The following SHROOM3 variants were observed in gnomAD, a reference collection of about 807,000 sequenced individuals.
SHROOM3 encodes shroom family member 3, also known as protein Shroom3.
In SHROOM3, 47 loss-of-function variants were observed where a neutral mutation model predicts 138.6. The ratio of observed to expected loss-of-function variants is 0.34; its 90% CI spans 0.27 to 0.43. The LOEUF (loss-of-function observed/expected upper bound fraction) is 0.43, where lower values mean the gene tolerates loss of function less well. Ranked by LOEUF, SHROOM3 falls within the 20% of genes least tolerant of loss-of-function variation. The pLI, the probability that SHROOM3 is intolerant of heterozygous loss-of-function variation, is 1.00. For missense variants in SHROOM3, 2,491 were observed against 2,596.5 expected, an observed-to-expected ratio of 0.96 and a Z score of 0.88; for synonymous variants, 1,062 against 1,063.3, an observed-to-expected ratio of 1.00 and a Z score of 0.02.
chr4:76,656,547 C>T (rs1286461532), intron 2 of SHROOM3, among the ~76,000 whole-genome samples: 1 of 152,140 alleles, frequency 6.6e-6, no homozygotes, highest in Non-Finnish European at 1.5e-5. Context: ...TTGCATGGCA[C>T]CTGGAAAAAG....
intron 2 of SHROOM3, among the ~76,000 whole-genome samples, chr4:76,635,055 C>G (rs1283711884): frequency 6.6e-6 from 1 of 152,024 alleles, no homozygotes; most frequent in East Asian, 1.9e-4. Context: ...CAGAAGAGAA[C>G]GGGGGGAGAT....
chr4:76,629,499 T>C (rs997953457), intron 2 of SHROOM3, among the ~76,000 whole-genome samples: 2 of 152,204 alleles, frequency 1.3e-5, no homozygotes, highest in Admixed American at 1.3e-4. Flanking sequence ...GCTTATATTT[T>C]AGAATAATCA....
At chr4:76,666,123 C>A (rs542225920) in intron 2 of SHROOM3, among the ~76,000 whole-genome samples, 19 of 152,336 alleles carry the variant, frequency 1.2e-4, no homozygotes, top group African/African-American at 4.6e-4. Context: ...TGTTGACTTA[C>A]GGTGGTACCT....
chr4:76,448,481 C>A (rs753092112), intron 1 of SHROOM3, among the ~76,000 whole-genome samples: 3 of 152,184 alleles, frequency 2.0e-5, no homozygotes, highest in Non-Finnish European at 4.4e-5. Context: ...ACACCAAGAG[C>A]AACCCTCCAT....
chr4:76,583,246 T>G (rs1734086498), intron 2 of SHROOM3, among the ~76,000 whole-genome samples: 1 of 152,108 alleles, frequency 6.6e-6, no homozygotes, highest in African/African-American at 2.4e-5. Flanking sequence ...CTGCACTGAC[T>G]TAGGACGGCA....
chr4:76,517,502 T>C (rs911767849), intron 1 of SHROOM3, among the ~76,000 whole-genome samples: 51 of 152,144 alleles, frequency 3.4e-4, no homozygotes, highest in Non-Finnish European at 5.6e-4. Context: ...CTTGGTTAAC[T>C]TGTAGTTTTT....
At chr4:76,716,845 T>C (rs559350567) in intron 3 of SHROOM3, among the ~76,000 whole-genome samples, 1 of 152,374 alleles carries the variant, frequency 6.6e-6, no homozygotes, top group African/African-American at 2.4e-5. Flanking sequence ...CCAAGTTCTC[T>C]ATTCTCATTG....
At chr4:76,773,073 G>C (rs1722416817) in intron 10 of SHROOM3, among the ~76,000 whole-genome samples, 1 of 152,036 alleles carries the variant, frequency 6.6e-6, no homozygotes, top group Non-Finnish European at 1.5e-5. Flanking sequence ...GCTTGGTTTT[G>C]TTTTTAAAAA....
intron 3 of SHROOM3, among the ~76,000 whole-genome samples, chr4:76,710,921 TTCA>T (rs1720211373): frequency 6.6e-6 from 1 of 152,188 alleles, no homozygotes; most frequent in Non-Finnish European, 1.5e-5. Context: ...TGGATTCAAA[TTCA>T]GCCTCTACAC....
At chr4:76,634,814 AG>A (rs1735444067) in intron 2 of SHROOM3, among the ~76,000 whole-genome samples, 1 of 152,198 alleles carries the variant, frequency 6.6e-6, no homozygotes, top group African/African-American at 2.4e-5. Flanking sequence ...TGTGACTTAG[AG>A]GAAGAAGGAA....
rs577347763 is a variant in SHROOM3 at position 76,745,792 on chromosome 4, C to T, written c.3754-3225C>T. On this transcript the variant is annotated intron_variant, in intron 5 of 10. Coordinates refer to ENST00000296043, the MANE Select transcript of SHROOM3 (RefSeq NM_020859.4). ...GGCCAGGAGTTCGAGATCAGCCTGG[C>T]CAACATGGCAAAAACCCATCTCTAC... Among the ~76,000 whole-genome samples the T allele has an allele frequency of 3.9e-5, 6 of 152,230 alleles. No individual in the cohort carries two copies. The East Asian group carries it at 1.2e-3, about 29-fold the overall frequency.
intron 2 of SHROOM3, chr4:76,689,430 C>A: frequency 7.9e-6 from 6 of 760,724 alleles, no homozygotes; most frequent in East Asian, 1.4e-4. Context: ...CGGGCCCGGG[C>A]GGGACGAGAG....
chr4:76,671,893 T>G (rs1718895625), intron 2 of SHROOM3, among the ~76,000 whole-genome samples: 1 of 152,320 alleles, frequency 6.6e-6, no homozygotes, highest in East Asian at 1.9e-4. Context: ...TGAGCATCCC[T>G]TATCCAAAAA....
At position 76,779,864 on chromosome 4, in the gene SHROOM3, C is replaced by T. The variant is rs1295314398; in HGVS notation, c.*687C>T. The T allele has an allele frequency of 6.5e-6, 1 of 152,826 alleles. No individual in the cohort carries two copies. Among genetic ancestry groups the T allele is most frequent in the Non-Finnish European group, 1.5e-5 (1 of 68,188 alleles). The allele number at this position is 152,826 out of a possible 1,614,324, so 9.5% of individuals were successfully genotyped here. A position where few individuals can be genotyped will look rare whatever the true frequency, so the allele number is the denominator to read the frequency against. On this transcript the variant is annotated 3_prime_UTR_variant, in exon 11 of 11. Transcript: ENST00000296043. ...TACCAACACGAGCAGGCATTCTGCG[C>T]TTCCACTGGACTGAGTATGGGGGAG... is the stretch of plus-strand genomic sequence containing the variant.
chr4:76,669,104 C>T (rs1339409159), intron 2 of SHROOM3, among the ~76,000 whole-genome samples: 2 of 152,186 alleles, frequency 1.3e-5, no homozygotes, highest in Admixed American at 1.3e-4. Flanking sequence ...GGCATGCTCA[C>T]TCAGCTCTTA....
intron 1 of SHROOM3, among the ~76,000 whole-genome samples, chr4:76,534,721 C>T (rs1230531679): frequency 6.6e-6 from 1 of 152,098 alleles, no homozygotes; most frequent in Non-Finnish European, 1.5e-5. Flanking sequence ...AATGCAATCT[C>T]TGATGGGTAC....
chr4:76,750,827 C>A (rs1044409385), intron 6 of SHROOM3, among the ~76,000 whole-genome samples: 1 of 150,558 alleles, frequency 6.6e-6, no homozygotes, highest in African/African-American at 2.4e-5. Flanking sequence ...AAAAAAAAAA[C>A]TTTCTGAGCT....
chr4:76,692,533 A>T (rs1560592917), intron 2 of SHROOM3, among the ~76,000 whole-genome samples: 2 of 152,244 alleles, frequency 1.3e-5, no homozygotes, highest in African/African-American at 2.4e-5. Flanking sequence ...AAGATAGGTG[A>T]AAACAAATGT....
chr4:76,584,327 A>C (rs1265500498), intron 2 of SHROOM3, among the ~76,000 whole-genome samples: 1 of 152,214 alleles, frequency 6.6e-6, no homozygotes, highest in East Asian at 1.9e-4. Context: ...AAAGAAAAAA[A>C]AAAAAAAGAG....
Sources: gnomAD v4.1 joint callset for allele counts (sites outside exome capture counted in the v4.1 genomes callset) on GRCh38, gnomAD v4.1.1 for gene constraint, MANE v1.5 for transcripts, NCBI Gene and HGNC (gene_info 2026-07-23, HGNC 2026-07-21) for gene names.